SLC23A2: variants seen among roughly 807,000 people sequenced by gnomAD.
SLC23A2 encodes the protein Na(+)/L-ascorbic acid transporter 2.
Under a neutral mutation model 73.3 loss-of-function variants are expected in SLC23A2, and 36 were observed. The observed-to-expected ratio is 0.49, with a 90% CI of 0.38 to 0.65. The LOEUF (loss-of-function observed/expected upper bound fraction) is 0.65. Ranked by LOEUF, SLC23A2 falls within the 30% of genes least tolerant of loss-of-function variation. The pLI is 0.00. For missense variants in SLC23A2, 507 were observed against 841.6 expected (o/e 0.60, Z 4.92); for synonymous variants, 343 against 327.3 (o/e 1.05, Z -0.52).
intron 1 of SLC23A2, among the ~76,000 whole-genome samples, chr20:4,972,911 A>G (rs1468915388): frequency 2.6e-5 from 4 of 152,166 alleles, no homozygotes; most frequent in South Asian, 2.1e-4. Flanking sequence ...GAAATTTGCA[A>G]TGTCAGAAGG....
rs35550945 is a variant in SLC23A2, at chr20:4,883,680, C to A, written c.786G>T (p.Ala262=). ...ALIGLSGFQA[A]GERAGKHWGI... ...CCCAGTGCTTCCCGGCTCTCTCCCC[C>A]GCTGCCTGGAAACCAGAGAGGCCAA... The change falls in exon 9 of 17, where the codon GCG becomes GCT. Residue 262 remains alanine, a synonymous_variant. Transcript: ENST00000338244. The surrounding 1 kb of genome is among the most constrained non-coding windows in gnomAD (Gnocchi z 4.5). The A allele has an allele frequency of 5.6e-6, 9 of 1,613,396 alleles. No homozygotes were observed. Among genetic ancestry groups the A allele is most frequent in the African/African-American group, 2.7e-5 (2 of 74,874 alleles).
At chr20:5,007,431 T>G (rs149660682) in intron 1 of SLC23A2, among the ~76,000 whole-genome samples, 24 of 152,184 alleles carry the variant, frequency 1.6e-4, no homozygotes, top group Middle Eastern at 3.4e-3. Context: ...CTTGGGAGGC[T>G]GAGGCAGGAA....
At chr20:4,944,757 C>G (rs1248644627) in intron 2 of SLC23A2, among the ~76,000 whole-genome samples, 1 of 152,180 alleles carries the variant, frequency 6.6e-6, no homozygotes, top group Non-Finnish European at 1.5e-5. Flanking sequence ...CTCACTAAGA[C>G]ACAAGAGCTT....
chr20:4,960,055 A>C (rs1291061979), intron 2 of SLC23A2, among the ~76,000 whole-genome samples: 1 of 152,194 alleles, frequency 6.6e-6, no homozygotes, highest in Non-Finnish European at 1.5e-5. Context: ...CAGCCTCCCA[A>C]AGTGCTGGGA....
intron 9 of SLC23A2, among the ~76,000 whole-genome samples, chr20:4,877,021 G>A (rs1043092557): frequency 6.6e-6 from 1 of 151,998 alleles, no homozygotes; most frequent in African/African-American, 2.4e-5. Flanking sequence ...GACATACCAG[G>A]GGACGGGGGA....
intron 2 of SLC23A2, among the ~76,000 whole-genome samples, chr20:4,939,219 G>A (rs2087004968): frequency 1.3e-5 from 2 of 152,206 alleles, no homozygotes; most frequent in Admixed American, 6.5e-5. Context: ...CCCTGGTGCT[G>A]AACTTGGCAC....
chr20:4,915,935 G>A (rs778973622), intron 3 of SLC23A2, among the ~76,000 whole-genome samples: 13 of 152,126 alleles, frequency 8.5e-5, no homozygotes, highest in Non-Finnish European at 1.6e-4. Context: ...TCAACAGAGC[G>A]AGACTCCATC....
intron 3 of SLC23A2, among the ~76,000 whole-genome samples, chr20:4,914,809 G>A (rs1932268615): frequency 6.6e-6 from 1 of 152,198 alleles, no homozygotes; most frequent in African/African-American, 2.4e-5. Flanking sequence ...GGAAGGCTGA[G>A]GCAGGCAGAT....
At position 4,953,477 on chromosome 20, in the gene SLC23A2, T is replaced by G. The variant is rs2087234620; in HGVS notation, c.-155+17316A>C. On this transcript the variant is annotated intron_variant, in intron 2 of 16. Transcript: ENST00000338244. ...AACTATGACAATTAGAGAAACGAGGTTTTTTTTTATGTTTTTCACTTAAAA... is the reference window on the plus strand; with the variant it reads ...AACTATGACAATTAGAGAAACGAGGGTTTTTTTTATGTTTTTCACTTAAAA... Among the ~76,000 whole-genome samples the G allele has an allele frequency of 2.7e-5, 4 of 149,490 alleles. No homozygotes were observed. The South Asian group carries it at 6.3e-4, about 23-fold the overall frequency.
At position 4,863,684 on chromosome 20, in the gene SLC23A2, G is replaced by C. The variant is rs918930074; in HGVS notation, c.1357-777C>G. Among the ~76,000 whole-genome samples the C allele has an allele frequency of 6.6e-6, 1 of 152,086 alleles. No individual in the cohort carries two copies. Among genetic ancestry groups the C allele is most frequent in the African/African-American group, 2.4e-5 (1 of 41,414 alleles). ...GGCTGGTCCCCTGCTTGCATCCTCT[G>C]GTACTCATGAAATAAAGCCCACTTC... is the stretch of plus-strand genomic sequence containing the variant. On this transcript the variant is annotated intron_variant, in intron 13 of 16. Coordinates refer to ENST00000338244, the MANE Select transcript of SLC23A2 (RefSeq NM_005116.6). This position sits in a 1 kb window ranked among gnomAD's most constrained non-coding sequence, Gnocchi z 4.8.
At chr20:4,884,622 G>T (rs753053869) in intron 8 of SLC23A2, 131 bp downstream of exon 8, 20 of 721,846 alleles carry the variant, frequency 2.8e-5, no homozygotes, top group Non-Finnish European at 4.3e-5. Context: ...TTAAACAAGA[G>T]AAATAAACTA....
At chr20:4,881,910 T>C (rs1370688012) in intron 9 of SLC23A2, among the ~76,000 whole-genome samples, 1 of 152,184 alleles carries the variant, frequency 6.6e-6, no homozygotes, top group Non-Finnish European at 1.5e-5. Flanking sequence ...AAGTGCTTTG[T>C]GGGTTTTGTT....
rs1568663337 is a variant in SLC23A2 at position 4,998,971 on chromosome 20, A to G, written c.-282+2435T>C. Among the ~76,000 whole-genome samples, 1 of 151,964 alleles carries G rather than the reference A, an allele frequency of 6.6e-6. No individual in the cohort carries two copies. Among genetic ancestry groups the G allele is most frequent in the Non-Finnish European group, 1.5e-5 (1 of 67,998 alleles). ...AGGCATGCGCCACCATGCCCGGCTA[A>G]CTTTTGTATTTTTAGTAGAGACGAG... is the stretch of plus-strand genomic sequence containing the variant. On this transcript the variant is annotated intron_variant, in intron 1 of 16. Coordinates refer to ENST00000338244, the MANE Select transcript of SLC23A2 (RefSeq NM_005116.6). The surrounding 1 kb of genome is among the most constrained non-coding windows in gnomAD (Gnocchi z 4.1).
At position 4,856,884 on chromosome 20, in the gene SLC23A2, A is replaced by G. The variant is rs1929732002; in HGVS notation, c.*88T>C. ...TGGGGCGCAGAATGTAAATGTAGAT[A>G]TACAAACATGTATTTTACTTCTTGT... On this transcript the variant is annotated 3_prime_UTR_variant, in exon 17 of 17. Transcript: ENST00000338244. This position sits in a 1 kb window ranked among gnomAD's most constrained non-coding sequence, Gnocchi z 4.6. 1.2e-5 allele frequency: 10 copies of G among 830,962 alleles called. No individual in the cohort carries two copies. Among genetic ancestry groups the G allele is most frequent in the Non-Finnish European group, 2.0e-5 (10 of 504,814 alleles). The allele number at this position is 830,962 out of a possible 1,614,324, so 51.5% of individuals were successfully genotyped here.
At chr20:4,936,969 G>C (rs575400293) in intron 2 of SLC23A2, among the ~76,000 whole-genome samples, 1 of 152,284 alleles carries the variant, frequency 6.6e-6, no homozygotes, top group Non-Finnish European at 1.5e-5. Context: ...GGCTCAGGAA[G>C]AGGGGAGCAC....
rs113112444 is a variant in SLC23A2 at position 4,965,727 on chromosome 20, G to A, written c.-155+5066C>T. 5.5e-3 allele frequency among the ~76,000 whole-genome samples: 834 copies of A among 152,302 alleles called. 8 individuals carry two copies. The highest frequency in any genetic ancestry group is 0.019 in the African/African-American group (798 of 41,580). On this transcript the variant is annotated intron_variant, in intron 2 of 16. Transcript: ENST00000338244. The stretch of plus-strand genomic sequence containing the variant: ...CAAGCCTGTAATCCCAGCACTTTGG[G>A]AGGCCAAGGGAGGCAGATCACTTGA...
intron 2 of SLC23A2, among the ~76,000 whole-genome samples, chr20:4,966,809 TACACACACAC>T (rs56931121): frequency 0.15 from 16,275 of 109,494 alleles, 996 homozygotes; most frequent in Middle Eastern, 0.25. Context: ...TTGATAGTTT[TACACACACAC>T]ACACACACAC....
intron 3 of SLC23A2, among the ~76,000 whole-genome samples, chr20:4,931,088 A>G (rs1932785450): frequency 7.0e-6 from 1 of 143,844 alleles, no homozygotes; most frequent in South Asian, 2.2e-4. Flanking sequence ...AAAAAAAAAA[A>G]AAAAGAATCC....
At chr20:4,927,222 A>C (rs1255952123) in intron 3 of SLC23A2, among the ~76,000 whole-genome samples, 1 of 152,240 alleles carries the variant, frequency 6.6e-6, no homozygotes. Context: ...GTCACATGTG[A>C]CTAGCAGCCA....
Sources: gnomAD v4.1 joint callset for allele counts (sites outside exome capture counted in the v4.1 genomes callset) on GRCh38, gnomAD v4.1.1 for gene constraint, Gnocchi (gnomAD v3.1) non-coding constraint, MANE v1.5 for transcripts, NCBI Gene and HGNC (gene_info 2026-07-23, HGNC 2026-07-21) for gene names.